KCNMA1: variants seen among roughly 807,000 people sequenced by gnomAD.
KCNMA1 encodes potassium calcium-activated channel subfamily M alpha 1.
In KCNMA1, 29 loss-of-function variants were observed where a neutral mutation model predicts 140.0. The ratio of observed to expected loss-of-function variants is 0.21; its 90% CI spans 0.15 to 0.28. The LOEUF is 0.28. Ranked by LOEUF, KCNMA1 falls within the 10% of genes least tolerant of loss-of-function variation. The pLI is 1.00. For synonymous variants in KCNMA1, 612 were observed against 611.9 expected (o/e 1.00, Z 0.00); for missense variants, 880 against 1,602.2 (o/e 0.55, Z 7.70).
intron 6 of KCNMA1, among the ~76,000 whole-genome samples, chr10:77,116,693 C>T (rs2097479763): frequency 6.6e-6 from 1 of 152,102 alleles, no homozygotes; most frequent in Non-Finnish European, 1.5e-5. Context: ...TTAATTATCT[C>T]TAGATCCCTT....
chr10:77,459,762 C>T (rs576348962), intron 1 of KCNMA1, among the ~76,000 whole-genome samples: 1 of 152,360 alleles, frequency 6.6e-6, no homozygotes, highest in African/African-American at 2.4e-5. Flanking sequence ...GGCCAGAACA[C>T]AGACTCTCTG....
intron 24 of KCNMA1, chr10:76,913,326 A>T (rs1304869932): frequency 6.6e-6 from 1 of 152,264 alleles, no homozygotes; most frequent in Non-Finnish European, 1.5e-5. Flanking sequence ...TAACAAATGC[A>T]GTCACGACTG....
chr10:77,181,007 A>G (rs2098798477), intron 5 of KCNMA1, among the ~76,000 whole-genome samples: 1 of 152,088 alleles, frequency 6.6e-6, no homozygotes, highest in South Asian at 2.1e-4. Context: ...GGAACGTGTC[A>G]CTCACCACAA....
At chr10:77,203,051 T>C (rs2154158224) in intron 3 of KCNMA1, among the ~76,000 whole-genome samples, 1 of 152,336 alleles carries the variant, frequency 6.6e-6, no homozygotes, top group Admixed American at 6.5e-5. Flanking sequence ...GCTGTTAACC[T>C]GACACCGTTA....
Position 76,944,983 on chromosome 10 carries a change from G to GAAA in KCNMA1, c.2710-21_2710-19dup. The stretch of plus-strand genomic sequence containing the variant: ...GGCGTACCCTTTGGCATAGAGGAAA[G>GAAA]AAAAAAAAACAGAGATGGGGGGAGA... On this transcript the variant is annotated intron_variant, in intron 22 of 27. Transcript: ENST00000286628. 6.4e-7 allele frequency: 1 copy of GAAA among 1,555,044 alleles called. No individual in the cohort carries two copies. Among genetic ancestry groups the GAAA allele is most frequent in the African/African-American group, 1.4e-5 (1 of 72,374 alleles).
At chr10:77,228,767 C>T (rs1333964226) in intron 3 of KCNMA1, among the ~76,000 whole-genome samples, 1 of 152,206 alleles carries the variant, frequency 6.6e-6, no homozygotes, top group Non-Finnish European at 1.5e-5. Context: ...CCTCATTATT[C>T]ACCACATTCA....
chr10:76,969,300 G>GGGAAGGGAGGAAGGAAGGAA (rs1555014598), intron 20 of KCNMA1, among the ~76,000 whole-genome samples: 1 of 109,288 alleles, frequency 9.2e-6, no homozygotes, highest in Non-Finnish European at 1.9e-5. Flanking sequence ...GAAGGAAGGA[G>GGGAAGGGAGGAAGGAAGGAA]GGAAGGAAGG....
At chr10:77,491,715 A>ACACG in intron 1 of KCNMA1, among the ~76,000 whole-genome samples, 1 of 3,142 alleles carries the variant, frequency 3.2e-4, no homozygotes, top group East Asian at 0.033. Context: ...TAGAAGTCAT[A>ACACG]CACACACACA....
At chr10:77,575,682 C>G (rs1385165877) in intron 1 of KCNMA1, among the ~76,000 whole-genome samples, 1 of 152,230 alleles carries the variant, frequency 6.6e-6, no homozygotes, top group Non-Finnish European at 1.5e-5. Flanking sequence ...ATTAGGATCA[C>G]CCGGGGAGCA....
chr10:77,452,997 A>G (rs2097691573), intron 1 of KCNMA1, among the ~76,000 whole-genome samples: 1 of 152,176 alleles, frequency 6.6e-6, no homozygotes, highest in South Asian at 2.1e-4. Context: ...GGGGGTACCT[A>G]GCTGACGGGG....
chr10:76,949,116 CATCAATA>C lies in KCNMA1; in HGVS notation c.2709+19_2709+25del. The C allele has an allele frequency of 1.3e-6, 2 of 1,484,302 alleles. No homozygotes were observed. The highest frequency in any genetic ancestry group is 1.9e-6 in the Non-Finnish European group (2 of 1,061,356). 91.9% of individuals were successfully genotyped at this position (1,484,302 alleles called of 1,614,324 possible). A position where few individuals can be genotyped will look rare whatever the true frequency, so the allele number is the denominator to read the frequency against. ...TTTTGTGAATGAAAAGAAGAAAAGG[CATCAATA>C]ATGTGACCTTGGACTTACAGGCAAT... On this transcript the variant is annotated intron_variant, in intron 22 of 27. Transcript: ENST00000286628.
intron 2 of KCNMA1, among the ~76,000 whole-genome samples, chr10:77,252,545 G>GTGTGTGTGTGTGTGTT (rs2154253517): frequency 6.6e-6 from 1 of 151,938 alleles, no homozygotes; most frequent in South Asian, 2.1e-4. Flanking sequence ...GTGTGTGTGT[G>GTGTGTGTGTGTGTGTT]TGTGTGTGTG....
intron 2 of KCNMA1, among the ~76,000 whole-genome samples, chr10:77,262,589 G>A (rs1181341314): frequency 5.3e-5 from 8 of 152,106 alleles, no homozygotes; most frequent in Non-Finnish European, 5.9e-5. Context: ...GGTCATGGGG[G>A]TGGATCCCTC....
chr10:76,971,627 C>A (rs1448972308), intron 19 of KCNMA1, among the ~76,000 whole-genome samples: 1 of 152,010 alleles, frequency 6.6e-6, no homozygotes, highest in Non-Finnish European at 1.5e-5. Flanking sequence ...ACAGCCGACC[C>A]CCTGTACCAC....
At chr10:77,256,795 A>G (rs1484250669) in intron 2 of KCNMA1, among the ~76,000 whole-genome samples, 3 of 152,176 alleles carry the variant, frequency 2.0e-5, no homozygotes, top group African/African-American at 7.2e-5. Context: ...CCAAAGGCAT[A>G]GGACTTTTTA....
chr10:76,926,944 G>A lies in KCNMA1; in HGVS notation c.2903-11895C>T, dbSNP rs145756427. Among the ~76,000 whole-genome samples the A allele has an allele frequency of 9.1e-3, 1,390 of 152,150 alleles. 19 individuals carry two copies. The highest frequency in any genetic ancestry group is 0.032 in the African/African-American group (1,309 of 41,498). The stretch of plus-strand genomic sequence containing the variant: ...CCCTAAGGCATGATCCTCCCTCCAG[G>A]AGCCCTGCATCCTTTCCATTTGCTA... On this transcript the variant is annotated intron_variant, in intron 23 of 27. Transcript: ENST00000286628.
intron 1 of KCNMA1, among the ~76,000 whole-genome samples, chr10:77,436,961 C>T (rs2097275642): frequency 8.8e-6 from 1 of 113,480 alleles, no homozygotes; most frequent in Non-Finnish European, 2.0e-5. Context: ...TTTCTTTACA[C>T]ACACACACAC....
At chr10:77,575,684 C>G (rs1457530610) in intron 1 of KCNMA1, among the ~76,000 whole-genome samples, 1 of 152,212 alleles carries the variant, frequency 6.6e-6, no homozygotes, top group Non-Finnish European at 1.5e-5. Context: ...TAGGATCACC[C>G]GGGGAGCATC....
intron 14 of KCNMA1, among the ~76,000 whole-genome samples, chr10:77,061,716 C>A (rs957050960): frequency 6.6e-6 from 1 of 152,136 alleles, no homozygotes; most frequent in South Asian, 2.1e-4. Flanking sequence ...ATGTTTATAT[C>A]GACTGTATTC....
Sources: gnomAD v4.1 joint callset for allele counts (sites outside exome capture counted in the v4.1 genomes callset) on GRCh38, gnomAD v4.1.1 for gene constraint, MANE v1.5 for transcripts, NCBI Gene and HGNC (gene_info 2026-07-23, HGNC 2026-07-21) for gene names.